MACROD2: variants seen among roughly 807,000 people sequenced by gnomAD.
The protein encoded by MACROD2 is ADP-ribose glycohydrolase MACROD2.
A neutral mutation model predicts 70.4 loss-of-function variants in MACROD2; 36 were observed. The observed-to-expected ratio is 0.51, with a 90% CI of 0.39 to 0.68. The LOEUF (loss-of-function observed/expected upper bound fraction) is 0.68. Ranked by LOEUF, MACROD2 falls within the 30% of genes least tolerant of loss-of-function variation. The pLI is 0.00. For missense variants in MACROD2, 496 were observed against 538.4 expected (o/e 0.92, Z 0.78); for synonymous variants, 172 against 178.8 (o/e 0.96, Z 0.30).
rs185573920 is a variant in MACROD2 at position 15,980,204 on chromosome 20, G to A, written c.986-6523G>A. 1.9e-3 allele frequency among the ~76,000 whole-genome samples: 286 copies of A among 152,310 alleles called. 1 individual carries two copies. The highest frequency in any genetic ancestry group is 6.6e-3 in the African/African-American group (275 of 41,574). ...GTTATGAGTTGATTTTTAACTACTGGGTTTAGGCCAGGCAGGCCCAGGCCT... is the reference window on the plus strand; with the variant it reads ...GTTATGAGTTGATTTTTAACTACTGAGTTTAGGCCAGGCAGGCCCAGGCCT... On this transcript the variant is annotated intron_variant, in intron 13 of 17. Transcript: ENST00000684519.
At chr20:14,192,068 G>A (rs1221776649) in intron 3 of MACROD2, among the ~76,000 whole-genome samples, 1 of 152,156 alleles carries the variant, frequency 6.6e-6, no homozygotes, top group Non-Finnish European at 1.5e-5. Context: ...TCACTACAGA[G>A]TCTTTCAGAG....
intron 6 of MACROD2, among the ~76,000 whole-genome samples, chr20:15,361,503 T>G (rs1252492966): frequency 1.3e-5 from 2 of 152,186 alleles, no homozygotes; most frequent in Non-Finnish European, 2.9e-5. Context: ...GTAGAGTGAT[T>G]CTTCCCACTT....
chr20:14,239,421 A>G (rs1290262307), intron 3 of MACROD2, among the ~76,000 whole-genome samples: 1 of 152,200 alleles, frequency 6.6e-6, no homozygotes, highest in Admixed American at 6.5e-5. Flanking sequence ...AACCAAGGCA[A>G]TCCTAAGCAA....
rs144561495 is a variant in MACROD2 at position 14,143,780 on chromosome 20, G to A, written c.271+58052G>A. On this transcript the variant is annotated intron_variant, in intron 3 of 17. Coordinates refer to ENST00000684519, the MANE Select transcript of MACROD2 (RefSeq NM_001351661.2). ...ATTTTTTGAACTGCATGTTTAAATT[G>A]TAATTTTGCTGGAAAAGTTACCAAA... Among the ~76,000 whole-genome samples the A allele has an allele frequency of 1.7e-3, 265 of 152,226 alleles. 3 individuals carry two copies. Among genetic ancestry groups the A allele is most frequent in the African/African-American group, 6.2e-3 (257 of 41,546 alleles).
intron 4 of MACROD2, among the ~76,000 whole-genome samples, chr20:14,584,374 C>T (rs937332740): frequency 6.6e-5 from 10 of 152,088 alleles, no homozygotes; most frequent in South Asian, 2.1e-4. Flanking sequence ...TAAATACCAT[C>T]GACTGGGTAG....
At chr20:14,540,697 C>T (rs1238674404) in intron 4 of MACROD2, among the ~76,000 whole-genome samples, 1 of 152,070 alleles carries the variant, frequency 6.6e-6, no homozygotes, top group African/African-American at 2.4e-5. Context: ...TGCCATAATC[C>T]CTTTTACCTA....
chr20:16,032,691 GA>G (rs2067168296), intron 15 of MACROD2, among the ~76,000 whole-genome samples: 1 of 144,526 alleles, frequency 6.9e-6, no homozygotes, highest in Non-Finnish European at 1.5e-5. Flanking sequence ...GGGAAGGAGG[GA>G]AAAAATTAGG....
Position 15,213,424 on chromosome 20 carries a change from AT to A in MACROD2, c.419-16506del, listed in dbSNP as rs890941867. 7.7e-4 allele frequency among the ~76,000 whole-genome samples: 116 copies of A among 149,752 alleles called. 1 individual carries two copies. Among genetic ancestry groups the A allele is most frequent in the Non-Finnish European group, 9.8e-4 (66 of 67,304 alleles). On this transcript the variant is annotated intron_variant, in intron 5 of 17. Transcript: ENST00000684519. Reference sequence around the variant, plus strand: ...ATGAACTCCATTAGAAGGAGGGACCATTTTTTTTTTCCTATGTTGGTTAAGG... The same window carrying A: ...ATGAACTCCATTAGAAGGAGGGACCATTTTTTTTTCCTATGTTGGTTAAGG...
chr20:14,613,526 C>T (rs575982917), intron 4 of MACROD2, among the ~76,000 whole-genome samples: 1 of 152,136 alleles, frequency 6.6e-6, no homozygotes, highest in South Asian at 2.1e-4. Flanking sequence ...CAATTATTTA[C>T]TTGACATCTA....
intron 3 of MACROD2, among the ~76,000 whole-genome samples, chr20:14,390,344 A>G (rs1179886923): frequency 6.6e-6 from 1 of 152,236 alleles, no homozygotes; most frequent in Non-Finnish European, 1.5e-5. Context: ...ATTCAGTGCC[A>G]TTTCTATTAA....
At chr20:15,536,791 T>TA (rs2047880858) in intron 8 of MACROD2, among the ~76,000 whole-genome samples, 1 of 152,232 alleles carries the variant, frequency 6.6e-6, no homozygotes, top group South Asian at 2.1e-4. Context: ...CATCCTAAGA[T>TA]ATACTTCTCT....
At chr20:15,288,857 C>CTGTG (rs1555801334) in intron 6 of MACROD2, among the ~76,000 whole-genome samples, 2 of 129,806 alleles carry the variant, frequency 1.5e-5, no homozygotes, top group African/African-American at 6.1e-5. Flanking sequence ...CTCTATATGT[C>CTGTG]TGTCTGTCTG....
chr20:14,992,686 T>C (rs1355565407), intron 5 of MACROD2, among the ~76,000 whole-genome samples: 1 of 152,200 alleles, frequency 6.6e-6, no homozygotes, highest in Non-Finnish European at 1.5e-5. Flanking sequence ...TTTTCCTAAG[T>C]AGACTATAAT....
At chr20:15,413,805 A>G (rs2046110845) in intron 6 of MACROD2, among the ~76,000 whole-genome samples, 2 of 152,170 alleles carry the variant, frequency 1.3e-5, no homozygotes, top group South Asian at 2.1e-4. Context: ...GTTCTCAGAA[A>G]TCACTCTATA....
chr20:14,798,905 T>A (rs2072541857), intron 5 of MACROD2, among the ~76,000 whole-genome samples: 8 of 152,050 alleles, frequency 5.3e-5, no homozygotes. Context: ...TTTTGTATGA[T>A]GCAAGAATGT....
chr20:14,356,733 G>A (rs2083176271), intron 3 of MACROD2, among the ~76,000 whole-genome samples: 1 of 152,060 alleles, frequency 6.6e-6, no homozygotes, highest in Non-Finnish European at 1.5e-5. Context: ...TCAAACTCCT[G>A]ACTTCAGGCG....
At chr20:15,418,859 C>A (rs1161120306) in intron 6 of MACROD2, among the ~76,000 whole-genome samples, 1 of 152,098 alleles carries the variant, frequency 6.6e-6, no homozygotes, top group Non-Finnish European at 1.5e-5. Flanking sequence ...CTTCTTGTGG[C>A]TTTATAAAGA....
At chr20:14,752,699 T>G (rs1259702823) in intron 5 of MACROD2, among the ~76,000 whole-genome samples, 2 of 152,118 alleles carry the variant, frequency 1.3e-5, no homozygotes, top group African/African-American at 4.8e-5. Context: ...CAGACCTATA[T>G]GCATTTTTGT....
At chr20:15,207,847 T>G (rs2145941146) in intron 5 of MACROD2, among the ~76,000 whole-genome samples, 1 of 152,322 alleles carries the variant, frequency 6.6e-6, no homozygotes, top group Admixed American at 6.5e-5. Flanking sequence ...AGATTTTTTC[T>G]TTGTTTTTAG....
Sources: gnomAD v4.1 joint callset for allele counts (sites outside exome capture counted in the v4.1 genomes callset) on GRCh38, gnomAD v4.1.1 for gene constraint, MANE v1.5 for transcripts, NCBI Gene and HGNC (gene_info 2026-07-23, HGNC 2026-07-21) for gene names.